Variants in LRRN3 observed in about 807,000 individuals in gnomAD.
The protein encoded by LRRN3 is leucine rich repeat neuronal 3, also known as leucine-rich repeat neuronal protein 3.
In LRRN3, 15 loss-of-function variants were observed where a neutral mutation model predicts 40.1. That is an observed-to-expected ratio of 0.37 (90% CI 0.25 to 0.58). The LOEUF is 0.58. LRRN3 is among the 20% of genes least tolerant of loss of function. The pLI, the probability that LRRN3 is intolerant of heterozygous loss-of-function variation, is 0.72. For synonymous variants in LRRN3, 308 were observed against 297.2 expected (o/e 1.04, Z -0.37); for missense variants, 746 against 837.7 (o/e 0.89, Z 1.35).
At position 111,124,653 on chromosome 7, in the gene LRRN3, A is replaced by C; in HGVS notation, c.1881A>C (p.Thr627=). The part of the protein sequence containing the change: ...DQKEYEKNNT[T]TLMACLGGLL... The stretch of plus-strand genomic sequence containing the variant: ...AAGAGTATGAAAAGAATAATACCAC[A>C]ACACTTATGGCCTGTCTTGGAGGCC... Residue 627 remains threonine (T), a synonymous_variant, in exon 3 of 3, where the codon ACA becomes ACC. Transcript: ENST00000308478. 1 of 1,613,980 alleles carries C rather than the reference A, an allele frequency of 6.2e-7. No individual in the cohort carries two copies. Among genetic ancestry groups the C allele is most frequent in the Non-Finnish European group, 8.5e-7 (1 of 1,179,964 alleles).
At chr7:111,114,058 C>A (rs1188974122) in intron 2 of LRRN3, among the ~76,000 whole-genome samples, 2 of 151,874 alleles carry the variant, frequency 1.3e-5, no homozygotes, top group African/African-American at 4.8e-5. Context: ...AATTTTAATG[C>A]ATAAATTTAG....
chr7:111,094,180 A>T (rs1312033660), intron 1 of LRRN3, among the ~76,000 whole-genome samples: 1 of 152,096 alleles, frequency 6.6e-6, no homozygotes, highest in Non-Finnish European at 1.5e-5. Flanking sequence ...CCTGTGTAAC[A>T]TGGCACTATG....
At chr7:111,118,210 C>T (rs1159439969) in intron 2 of LRRN3, among the ~76,000 whole-genome samples, 1 of 152,014 alleles carries the variant, frequency 6.6e-6, no homozygotes, top group African/African-American at 2.4e-5. Flanking sequence ...GATATTTTAT[C>T]TTATTTATTG....
intron 2 of LRRN3, among the ~76,000 whole-genome samples, chr7:111,116,854 T>A (rs1285248602): frequency 6.6e-6 from 1 of 152,132 alleles, no homozygotes; most frequent in Admixed American, 6.5e-5. Flanking sequence ...AGGTGTGTGG[T>A]GCTGTTTTAA....
intron 1 of LRRN3, among the ~76,000 whole-genome samples, chr7:111,091,824 A>G (rs1175845412): frequency 6.6e-6 from 1 of 151,494 alleles, no homozygotes; most frequent in Admixed American, 6.6e-5. Context: ...ACAGTGGGGG[A>G]GAAGAGAGGA....
intron 2 of LRRN3, among the ~76,000 whole-genome samples, chr7:111,102,465 A>G (rs1166008047): frequency 6.6e-6 from 1 of 151,582 alleles, no homozygotes; most frequent in Non-Finnish European, 1.5e-5. Flanking sequence ...TTAGATTGTC[A>G]TTTTATTGAC....
chr7:111,105,029 G>A (rs1798388250), intron 2 of LRRN3, among the ~76,000 whole-genome samples: 1 of 151,808 alleles, frequency 6.6e-6, no homozygotes, highest in South Asian at 2.1e-4. Context: ...GAGCAGAGAG[G>A]CATGACCATA....
At chr7:111,116,358 T>C (rs1243592286) in intron 2 of LRRN3, among the ~76,000 whole-genome samples, 2 of 152,218 alleles carry the variant, frequency 1.3e-5, no homozygotes, top group Admixed American at 1.3e-4. Flanking sequence ...AAGAGGATTT[T>C]TGCCAGTTTG....
rs992176820 is a variant in LRRN3 at position 111,123,909 on chromosome 7, G to A, written c.1137G>A (p.Met379Ile). ...GGTGTGACTGTGTCATCCGTTGGAT[G>A]AACATGAACAAAACCAACATTCGAT... Reference protein sequence around the residue: ...PIRCDCVIRWMNMNKTNIRFM... With the variant: ...PIRCDCVIRWINMNKTNIRFM... The change falls in exon 3 of 3, where the codon ATG becomes ATA. Residue 379 changes from methionine (M) to isoleucine (I), a missense_variant. Met to Ile is a conservative substitution (Grantham distance 10, BLOSUM62 1). Coordinates refer to ENST00000308478, the MANE Select transcript of LRRN3 (RefSeq NM_001099658.2). This position sits in a 1 kb window ranked among gnomAD's most constrained non-coding sequence, Gnocchi z 6.4. 6.2e-7 allele frequency: 1 copy of A among 1,613,984 alleles called. No individual in the cohort carries two copies. The highest frequency in any genetic ancestry group is 1.1e-5 in the South Asian group (1 of 91,072).
intron 1 of LRRN3, among the ~76,000 whole-genome samples, chr7:111,092,534 G>T (rs1299229362): frequency 1.3e-5 from 2 of 152,048 alleles, no homozygotes; most frequent in African/African-American, 4.8e-5. Flanking sequence ...AGAAGTAAAG[G>T]TTCAAAATAT....
chr7:111,124,490 C>A lies in LRRN3; in HGVS notation c.1718C>A (p.Ser573Tyr), dbSNP rs1801045589. ...GCTGCGCAAAGTGCTCGAATACCATCTGATGTCAAGGTATATAATCTTACT... is the reference window on the plus strand; with the variant it reads ...GCTGCGCAAAGTGCTCGAATACCATATGATGTCAAGGTATATAATCTTACT... The part of the protein sequence containing the change: ...SHAAQSARIP[S>Y]DVKVYNLTHL... Residue 573 changes from serine (S) to tyrosine (Y), a missense_variant, in exon 3 of 3, where the codon TCT becomes TAT. Physicochemically the swap from Ser to Tyr is moderately radical, Grantham distance 144. Transcript: ENST00000308478. The A allele has an allele frequency of 6.2e-7, 1 of 1,613,780 alleles. No homozygotes were observed. Among genetic ancestry groups the A allele is most frequent in the East Asian group, 2.2e-5 (1 of 44,830 alleles).
chr7:111,122,359 A>G (rs1800748367), intron 2 of LRRN3, 56 bp from the exon 3 acceptor site: 1 of 155,670 alleles, frequency 6.4e-6, no homozygotes, highest in Non-Finnish European at 1.4e-5. Context: ...GGTATTTTTC[A>G]TTTGTACTAA....
chr7:111,115,324 A>T (rs2129585253), intron 2 of LRRN3, among the ~76,000 whole-genome samples: 1 of 152,314 alleles, frequency 6.6e-6, no homozygotes, highest in African/African-American at 2.4e-5. Flanking sequence ...TTGTTTTACT[A>T]ATCATGTACA....
chr7:111,124,907 CA>C lies in LRRN3; in HGVS notation c.*10del. On this transcript the variant is annotated 3_prime_UTR_variant, in exon 3 of 3. Coordinates refer to ENST00000308478, the MANE Select transcript of LRRN3 (RefSeq NM_001099658.2). ...CCAACAAATATGTCCTAAAAACCAC[CA>C]AGGAAACCTACTCCAAAAATGAACA... 1 of 1,424,726 alleles carries C rather than the reference CA, an allele frequency of 7.0e-7. No individual in the cohort carries two copies. The highest frequency in any genetic ancestry group is 9.3e-7 in the Non-Finnish European group (1 of 1,078,680). The allele number at this position is 1,424,726 out of a possible 1,614,324, so 88.3% of individuals were successfully genotyped here.
chr7:111,102,659 C>T lies in LRRN3; in HGVS notation c.-359+2697C>T, dbSNP rs183482161. On this transcript the variant is annotated intron_variant, in intron 2 of 2. Coordinates refer to ENST00000308478, the MANE Select transcript of LRRN3 (RefSeq NM_001099658.2). ...AAGTATAATAAAAGAATGGAAACCA[C>T]AGAAATAGCAAGTTTGAAGTTTCAT... Among the ~76,000 whole-genome samples the T allele has an allele frequency of 3.4e-3, 513 of 151,518 alleles. 2 individuals are homozygous for T. Among genetic ancestry groups the T allele is most frequent in the Non-Finnish European group, 4.4e-3 (300 of 67,616 alleles).
intron 1 of LRRN3, among the ~76,000 whole-genome samples, chr7:111,093,767 T>A (rs1797110374): frequency 1.3e-5 from 2 of 152,142 alleles, no homozygotes; most frequent in Admixed American, 1.3e-4. Flanking sequence ...GAATGCCAGA[T>A]GATGGACATT....
At chr7:111,118,528 G>C (rs1800169017) in intron 2 of LRRN3, among the ~76,000 whole-genome samples, 1 of 151,934 alleles carries the variant, frequency 6.6e-6, no homozygotes, top group Admixed American at 6.6e-5. Flanking sequence ...TTGTTGTGTG[G>C]TATCAGGCAG....
chr7:111,114,750 AAAAG>A (rs1268984004), intron 2 of LRRN3, among the ~76,000 whole-genome samples: 2 of 151,790 alleles, frequency 1.3e-5, no homozygotes, highest in African/African-American at 2.4e-5. Flanking sequence ...AAAAAAAAAA[AAAAG>A]AAAGAAAGAA....
chr7:111,115,024 A>G (rs1799707089), intron 2 of LRRN3, among the ~76,000 whole-genome samples: 1 of 152,130 alleles, frequency 6.6e-6, no homozygotes, highest in African/African-American at 2.4e-5. Context: ...ACTATGGAAA[A>G]CAAGATGATT....
Sources: allele counts gnomAD v4.1 joint callset (sites outside exome capture counted in the v4.1 genomes callset), GRCh38; gene constraint gnomAD v4.1.1; non-coding constraint Gnocchi (gnomAD v3.1); transcripts MANE v1.5; gene names NCBI Gene and HGNC (gene_info 2026-07-23, HGNC 2026-07-21).